The following CSMD1 variants were observed in gnomAD, a reference collection of about 807,000 sequenced individuals.
CSMD1 encodes the protein CUB and Sushi multiple domains 1.
CSMD1 carries 213 observed loss-of-function variants against 417.5 expected under a neutral mutation model. That is an observed-to-expected ratio of 0.51 (90% CI 0.46 to 0.57). The LOEUF (loss-of-function observed/expected upper bound fraction) is 0.57. CSMD1 is among the 20% of genes least tolerant of loss of function. CSMD1 has a pLI of 0.00. For missense variants in CSMD1, 6,923 were observed against 4,529.7 expected (o/e 1.53, Z -15.17); for synonymous variants, 2,862 against 1,736.8 (o/e 1.65, Z -16.11).
chr8:3,480,639 T>A (rs113122686), intron 11 of CSMD1, among the ~76,000 whole-genome samples: 225 of 152,184 alleles, frequency 1.5e-3, no homozygotes, highest in African/African-American at 5.3e-3. Flanking sequence ...AAGACACATC[T>A]AATCCAAGTT....
At chr8:4,672,905 C>G (rs755736806) in intron 1 of CSMD1, among the ~76,000 whole-genome samples, 6 of 152,056 alleles carry the variant, frequency 3.9e-5, no homozygotes, top group Admixed American at 6.6e-5. Flanking sequence ...AGACAACAAA[C>G]ACATTCACAA....
At chr8:2,994,362 G>C (rs1298335665) in intron 54 of CSMD1, among the ~76,000 whole-genome samples, 1 of 152,068 alleles carries the variant, frequency 6.6e-6, no homozygotes, top group African/African-American at 2.4e-5. Context: ...GCCTTGCAGT[G>C]GGTGGATTCT....
At chr8:4,052,523 T>C (rs1319607377) in intron 3 of CSMD1, among the ~76,000 whole-genome samples, 1 of 152,086 alleles carries the variant, frequency 6.6e-6, no homozygotes, top group Non-Finnish European at 1.5e-5. Flanking sequence ...CCAAATTTAG[T>C]TTGCTAGAAC....
intron 2 of CSMD1, among the ~76,000 whole-genome samples, chr8:4,450,312 G>A (rs995068012): frequency 3.3e-5 from 5 of 152,152 alleles, no homozygotes; most frequent in African/African-American, 1.2e-4. Context: ...GCAACTCAGA[G>A]TATTTTTTCT....
At chr8:4,320,874 A>G (rs115520537) in intron 3 of CSMD1, among the ~76,000 whole-genome samples, 2,381 of 152,190 alleles carry the variant, frequency 0.016, 64 homozygotes, top group African/African-American at 0.054. Context: ...TAAAGACACA[A>G]ACACACTTAT....
At chr8:4,181,155 T>A (rs1477026367) in intron 3 of CSMD1, among the ~76,000 whole-genome samples, 1 of 152,152 alleles carries the variant, frequency 6.6e-6, no homozygotes, top group Admixed American at 6.6e-5. Context: ...TTTGGTGTAT[T>A]TGCTTTAAAA....
At chr8:3,447,259 T>C (rs1815361996) in intron 12 of CSMD1, among the ~76,000 whole-genome samples, 1 of 152,176 alleles carries the variant, frequency 6.6e-6, no homozygotes, top group Non-Finnish European at 1.5e-5. Flanking sequence ...GCAGCACACT[T>C]TTTTATGACA....
At chr8:3,433,231 T>G (rs894816982) in intron 12 of CSMD1, among the ~76,000 whole-genome samples, 1 of 152,218 alleles carries the variant, frequency 6.6e-6, no homozygotes, top group Non-Finnish European at 1.5e-5. Context: ...GACATAGAGA[T>G]GTAGTTACTT....
In CSMD1 at chr8:3,627,075, T is replaced by C. The variant is rs80252686; in HGVS notation, c.1010-10278A>G. On this transcript the variant is annotated intron_variant, in intron 7 of 69. Transcript: ENST00000635120. ...AAATATTAAATTATCTGGTTGAGAA[T>C]TGCTGTGATAGTTTAACATTGTAAT... Among the ~76,000 whole-genome samples the C allele has an allele frequency of 3.4e-4, 52 of 152,258 alleles. 1 individual carries two copies. In the East Asian group the frequency reaches 8.9e-3, roughly 26 times the overall value.
chr8:3,774,176 C>A (rs1156572505), intron 5 of CSMD1, among the ~76,000 whole-genome samples: 2 of 152,140 alleles, frequency 1.3e-5, no homozygotes, highest in African/African-American at 4.8e-5. Flanking sequence ...CTTTTGTGAC[C>A]TGCACCGCCT....
intron 1 of CSMD1, among the ~76,000 whole-genome samples, chr8:4,688,860 A>T (rs758644899): frequency 6.6e-6 from 1 of 152,194 alleles, no homozygotes; most frequent in African/African-American, 2.4e-5. Context: ...AGGGGAAATG[A>T]AGATTGACAT....
At chr8:4,148,385 G>A (rs182699660) in intron 3 of CSMD1, among the ~76,000 whole-genome samples, 111 of 148,200 alleles carry the variant, frequency 7.5e-4, no homozygotes, top group African/African-American at 2.4e-3. Flanking sequence ...GGGGGAGGGC[G>A]GAGGAATAGC....
At chr8:3,393,401 C>G (rs1298923852) in intron 17 of CSMD1, among the ~76,000 whole-genome samples, 1 of 152,186 alleles carries the variant, frequency 6.6e-6, no homozygotes, top group Non-Finnish European at 1.5e-5. Context: ...CTTTATGACT[C>G]TCACACAATT....
intron 7 of CSMD1, among the ~76,000 whole-genome samples, chr8:3,679,799 A>T (rs1281041344): frequency 6.6e-6 from 1 of 152,236 alleles, no homozygotes; most frequent in East Asian, 1.9e-4. Flanking sequence ...AGCTCTCCTC[A>T]GCAAATGTAA....
chr8:3,542,603 T>C (rs559047114), intron 10 of CSMD1, among the ~76,000 whole-genome samples: 41 of 152,138 alleles, frequency 2.7e-4, no homozygotes, highest in Non-Finnish European at 4.6e-4. Context: ...AGGCCTGGCC[T>C]CCTTGAATTC....
intron 1 of CSMD1, among the ~76,000 whole-genome samples, chr8:4,953,785 TA>T (rs1327277004): frequency 6.6e-6 from 1 of 152,194 alleles, no homozygotes; most frequent in Non-Finnish European, 1.5e-5. Context: ...CTGTCTTTGG[TA>T]ATTTTCCCAA....
chr8:3,435,805 T>C (rs1261001448), intron 12 of CSMD1, among the ~76,000 whole-genome samples: 3 of 152,206 alleles, frequency 2.0e-5, no homozygotes, highest in Non-Finnish European at 2.9e-5. Flanking sequence ...CCATGGCTTC[T>C]GATTGCAGAG....
At chr8:4,655,035 CAA>C (rs200658889) in intron 1 of CSMD1, among the ~76,000 whole-genome samples, 9 of 143,696 alleles carry the variant, frequency 6.3e-5, no homozygotes, top group East Asian at 2.0e-4. Flanking sequence ...GATGTACCTC[CAA>C]AAAAAAAAAA....
At chr8:3,893,125 C>G (rs914401324) in intron 5 of CSMD1, among the ~76,000 whole-genome samples, 1 of 151,610 alleles carries the variant, frequency 6.6e-6, no homozygotes, top group Non-Finnish European at 1.5e-5. Context: ...ACAAAATCAT[C>G]CTCACACAAA....
Sources: gnomAD v4.1 joint callset for allele counts (sites outside exome capture counted in the v4.1 genomes callset) on GRCh38, gnomAD v4.1.1 for gene constraint, MANE v1.5 for transcripts, NCBI Gene and HGNC (gene_info 2026-07-23, HGNC 2026-07-21) for gene names.